The following CPM variants were observed in gnomAD, a reference collection of about 807,000 sequenced individuals.
The protein encoded by CPM is renal carboxypeptidase.
In CPM, 35 loss-of-function variants were observed where a neutral mutation model predicts 46.4. The ratio of observed to expected loss-of-function variants is 0.75; its 90% CI spans 0.58 to 1.00. CPM has a LOEUF of 1.00. CPM is among the 50% of genes least tolerant of loss of function. The pLI, the probability that CPM is intolerant of heterozygous loss-of-function variation, is 0.00. For synonymous variants in CPM, 195 were observed against 195.3 expected (o/e 1.00, Z 0.01); for missense variants, 422 against 530.4 (o/e 0.80, Z 2.01).
At chr12:68,924,480 G>GAA (rs11420676) in intron 2 of CPM, among the ~76,000 whole-genome samples, 22,698 of 145,394 alleles carry the variant, frequency 0.16, 1,955 homozygotes, top group African/African-American at 0.24. Flanking sequence ...ACTCCATATA[G>GAA]AAAAAAAAAA....
intron 2 of CPM, 121 bp from the exon 3 acceptor site, chr12:68,886,010 CTTAAGT>C (rs1886411899): frequency 1.3e-6 from 1 of 746,972 alleles, no homozygotes; most frequent in Admixed American, 2.7e-5. Context: ...TTCATGGTGA[CTTAAGT>C]TTGTATGACT....
rs981767170 is a variant in CPM at position 68,856,352 on chromosome 12, A to G, written c.*85T>C. The G allele has an allele frequency of 4.8e-6, 7 of 1,457,890 alleles. No homozygotes were observed. Among genetic ancestry groups the G allele is most frequent in the Non-Finnish European group, 6.5e-6 (7 of 1,072,032 alleles). 90.3% of individuals were successfully genotyped at this position (1,457,890 alleles called of 1,614,324 possible). ...GTGGAGTTTCTCCAGTCAAGGTCCCACTAGAGTGAGTTAGGGTTGCAGTAA... is the reference window on the plus strand; with the variant it reads ...GTGGAGTTTCTCCAGTCAAGGTCCCGCTAGAGTGAGTTAGGGTTGCAGTAA... On this transcript the variant is annotated 3_prime_UTR_variant, in exon 9 of 9. Transcript: ENST00000551568.
intron 2 of CPM, among the ~76,000 whole-genome samples, chr12:68,896,438 T>C (rs890191193): frequency 6.6e-6 from 1 of 152,212 alleles, no homozygotes; most frequent in African/African-American, 2.4e-5. Context: ...GGCATATACA[T>C]AGCAAATGAT....
Position 68,856,305 on chromosome 12 carries a change from A to G in CPM, c.*132T>C, listed in dbSNP as rs1884965936. 1 of 1,028,614 alleles carries G rather than the reference A, an allele frequency of 9.7e-7. No homozygotes were observed. The highest frequency in any genetic ancestry group is 1.4e-6 in the Non-Finnish European group (1 of 699,440). The allele number at this position is 1,028,614 out of a possible 1,614,324, so 63.7% of individuals were successfully genotyped here. Reference sequence around the variant, plus strand: ...CTTATTGTGGAATTTGGAAACATCCATTTCTCTTCTTCAGGAAGATCGTGG... The same window carrying G: ...CTTATTGTGGAATTTGGAAACATCCGTTTCTCTTCTTCAGGAAGATCGTGG... On this transcript the variant is annotated 3_prime_UTR_variant, in exon 9 of 9. Coordinates refer to ENST00000551568, the MANE Select transcript of CPM (RefSeq NM_198320.5).
At chr12:68,931,744 CAAAAAA>C (rs1230893187) in intron 2 of CPM, among the ~76,000 whole-genome samples, 1 of 36,202 alleles carries the variant, frequency 2.8e-5, no homozygotes, top group Non-Finnish European at 5.6e-5. Context: ...AGACTCTGAC[CAAAAAA>C]AAAAAAAAAA....
At chr12:68,956,007 C>T (rs1379308679) in intron 1 of CPM, among the ~76,000 whole-genome samples, 45 of 152,114 alleles carry the variant, frequency 3.0e-4, no homozygotes, top group Non-Finnish European at 1.3e-4. Context: ...AGCCTGTCTG[C>T]CTCCTGCCAC....
chr12:68,919,133 C>T (rs1221920867), intron 2 of CPM, among the ~76,000 whole-genome samples: 1 of 152,046 alleles, frequency 6.6e-6, no homozygotes, highest in Non-Finnish European at 1.5e-5. Flanking sequence ...AGCTGACTGT[C>T]ACCTTTCAGA....
intron 1 of CPM, among the ~76,000 whole-genome samples, chr12:68,950,789 G>T (rs1210441211): frequency 2.0e-5 from 3 of 152,208 alleles, no homozygotes; most frequent in African/African-American, 7.2e-5. Context: ...ACGTGGAAGT[G>T]GTAGGCCTGG....
chr12:68,932,669 G>C lies in CPM; in HGVS notation c.160+9C>G. On this transcript the variant is annotated intron_variant, in intron 2 of 8. Coordinates refer to ENST00000551568, the MANE Select transcript of CPM (RefSeq NM_198320.5). ...GGGTTTGGCAAAGTGTTCACGAGACGGACCCTACCTTTCACAGATTTCCCA... is the reference window on the plus strand; with the variant it reads ...GGGTTTGGCAAAGTGTTCACGAGACCGACCCTACCTTTCACAGATTTCCCA... The C allele has an allele frequency of 6.2e-7, 1 of 1,613,540 alleles. No homozygotes were observed.
chr12:68,862,593 A>T (rs1389097672), intron 7 of CPM, among the ~76,000 whole-genome samples: 3 of 139,948 alleles, frequency 2.1e-5, no homozygotes, highest in Non-Finnish European at 4.7e-5. Flanking sequence ...GTATGCGAAT[A>T]TCACTGTTAC....
At chr12:68,920,164 A>C (rs1887974929) in intron 2 of CPM, among the ~76,000 whole-genome samples, 1 of 152,172 alleles carries the variant, frequency 6.6e-6, no homozygotes. Flanking sequence ...ATGCCTCCCT[A>C]GAAACTGAGC....
At chr12:68,886,581 A>G (rs1019442129) in intron 2 of CPM, among the ~76,000 whole-genome samples, 1 of 152,216 alleles carries the variant, frequency 6.6e-6, no homozygotes, top group East Asian at 1.9e-4. Context: ...GCAGTGAGCC[A>G]AGATCGCGCC....
At chr12:68,902,842 A>G (rs917812786) in intron 2 of CPM, among the ~76,000 whole-genome samples, 5 of 152,176 alleles carry the variant, frequency 3.3e-5, no homozygotes, top group Non-Finnish European at 7.3e-5. Context: ...ACTACCTCAG[A>G]GGCAACTGAT....
intron 3 of CPM, among the ~76,000 whole-genome samples, chr12:68,873,667 CAA>C (rs34150942): frequency 1.0e-3 from 70 of 69,222 alleles, no homozygotes; most frequent in Middle Eastern, 8.3e-3. Flanking sequence ...GACCCTGTCT[CAA>C]AAAAAAAAAA....
chr12:68,956,086 C>T (rs1889013460), intron 1 of CPM, among the ~76,000 whole-genome samples: 2 of 152,206 alleles, frequency 1.3e-5, no homozygotes, highest in African/African-American at 4.8e-5. Flanking sequence ...TGCAGGCCTA[C>T]ACTGCTTTCC....
chr12:68,897,401 A>T lies in CPM; in HGVS notation c.161-11512T>A, dbSNP rs979494687. On this transcript the variant is annotated intron_variant, in intron 2 of 8. Coordinates refer to ENST00000551568, the MANE Select transcript of CPM (RefSeq NM_198320.5). ...TTTTGGTCCCTTGAGGAAGAGGTCAAACATAACCAGATCATCTTTTTGAAG... is the reference window on the plus strand; with the variant it reads ...TTTTGGTCCCTTGAGGAAGAGGTCATACATAACCAGATCATCTTTTTGAAG... Among the ~76,000 whole-genome samples the T allele has an allele frequency of 2.6e-5, 4 of 152,228 alleles. No homozygotes were observed. In the South Asian group the frequency reaches 8.3e-4, roughly 32 times the overall value.
intron 1 of CPM, among the ~76,000 whole-genome samples, chr12:68,951,737 G>A (rs1264974091): frequency 6.6e-6 from 1 of 152,190 alleles, no homozygotes; most frequent in Non-Finnish European, 1.5e-5. Context: ...CAGAGCCCAG[G>A]GAGCAGAGCA....
At chr12:68,937,161 A>T (rs551971771), upstream of CPM, among the ~76,000 whole-genome samples, 41 of 152,352 alleles carry the variant, frequency 2.7e-4, no homozygotes, top group African/African-American at 9.4e-4. Context: ...TGTATGTGCC[A>T]TTCCTTGCTA....
intron 3 of CPM, among the ~76,000 whole-genome samples, chr12:68,877,740 G>A (rs1326050574): frequency 6.6e-6 from 1 of 152,178 alleles, no homozygotes; most frequent in East Asian, 1.9e-4. Flanking sequence ...TTGGGCAGCG[G>A]CATTTAGAAA....
Sources: gnomAD v4.1 joint callset for allele counts (sites outside exome capture counted in the v4.1 genomes callset) on GRCh38, gnomAD v4.1.1 for gene constraint, MANE v1.5 for transcripts, NCBI Gene and HGNC (gene_info 2026-07-23, HGNC 2026-07-21) for gene names.